The following NALF1 variants were observed in gnomAD, a reference collection of about 807,000 sequenced individuals.
NALF1 encodes the protein NALCN channel auxiliary factor 1.
NALF1 carries 3 observed loss-of-function variants against 48.4 expected under a neutral mutation model. The observed-to-expected ratio is 0.06, with a 90% CI of 0.03 to 0.16. NALF1 has a LOEUF of 0.16. Ranked by LOEUF, NALF1 falls within the 10% of genes least tolerant of loss-of-function variation. NALF1 has a pLI of 1.00. For missense variants in NALF1, 526 were observed against 571.5 expected (o/e 0.92, Z 0.81); for synonymous variants, 262 against 245.7 (o/e 1.07, Z -0.62).
At chr13:107,829,747 T>C (rs2138625696) in intron 1 of NALF1, among the ~76,000 whole-genome samples, 1 of 152,306 alleles carries the variant, frequency 6.6e-6, no homozygotes, top group Non-Finnish European at 1.5e-5. Context: ...GTTTACATGG[T>C]TTTCCTCATC....
chr13:107,552,877 T>C (rs780108880), intron 1 of NALF1, among the ~76,000 whole-genome samples: 1 of 152,132 alleles, frequency 6.6e-6, no homozygotes, highest in Non-Finnish European at 1.5e-5. Context: ...GTCGTTTATA[T>C]AATATTAAAA....
At chr13:107,840,650 T>G (rs1880020345) in intron 1 of NALF1, among the ~76,000 whole-genome samples, 1 of 152,180 alleles carries the variant, frequency 6.6e-6, no homozygotes, top group Non-Finnish European at 1.5e-5. Context: ...ATACTCGGGT[T>G]CTATTCCTCG....
chr13:107,622,144 CATGG>C (rs1879534321), intron 1 of NALF1, among the ~76,000 whole-genome samples: 2 of 151,560 alleles, frequency 1.3e-5, no homozygotes, highest in Non-Finnish European at 2.9e-5. Context: ...TTCTAAGAAT[CATGG>C]CTGGGTACGG....
chr13:107,861,697 T>C (rs1880574574), intron 1 of NALF1, among the ~76,000 whole-genome samples: 1 of 152,182 alleles, frequency 6.6e-6, no homozygotes, highest in Non-Finnish European at 1.5e-5. Context: ...AGCAGGAGAA[T>C]CGCTTGAACC....
chr13:107,551,310 GT>G (rs1476543388), intron 1 of NALF1, among the ~76,000 whole-genome samples: 1 of 151,966 alleles, frequency 6.6e-6, no homozygotes, highest in Non-Finnish European at 1.5e-5. Context: ...ATTTATTTGT[GT>G]TTTAGCATCT....
At position 107,242,362 on chromosome 13, in the gene NALF1, T is replaced by A. The variant is rs1330469921; in HGVS notation, c.916-31607A>T. Among the ~76,000 whole-genome samples the A allele has an allele frequency of 2.0e-5, 3 of 152,096 alleles. No individual in the cohort carries two copies. In the East Asian group the frequency reaches 5.8e-4, roughly 30 times the overall value. ...AAGGCCCTTCCCTTCTCCTCCTCAA[T>A]GTCCTGCTCCAGGTGAGTGCCCAGC... On this transcript the variant is annotated intron_variant, in intron 1 of 2. Coordinates refer to ENST00000375915, the MANE Select transcript of NALF1 (RefSeq NM_001080396.3).
chr13:107,268,363 C>T (rs1445212033), intron 1 of NALF1, among the ~76,000 whole-genome samples: 8 of 152,046 alleles, frequency 5.3e-5, no homozygotes, highest in Non-Finnish European at 1.0e-4. Context: ...AAAGTGAAAC[C>T]ACAGATGAGG....
intron 1 of NALF1, among the ~76,000 whole-genome samples, chr13:107,592,810 A>C (rs1406006369): frequency 6.6e-6 from 1 of 151,844 alleles, no homozygotes; most frequent in Non-Finnish European, 1.5e-5. Flanking sequence ...GTTACCGATA[A>C]ATTCTTAAAA....
At chr13:107,558,422 A>C (rs1392909061) in intron 1 of NALF1, among the ~76,000 whole-genome samples, 1 of 152,204 alleles carries the variant, frequency 6.6e-6, no homozygotes, top group Non-Finnish European at 1.5e-5. Context: ...ATAGTATTCC[A>C]ATTTGCTAAA....
intron 1 of NALF1, among the ~76,000 whole-genome samples, chr13:107,320,192 C>A (rs1176264916): frequency 6.6e-6 from 1 of 152,036 alleles, no homozygotes; most frequent in African/African-American, 2.4e-5. Context: ...AATAAACAGA[C>A]ATTGACTGGC....
chr13:107,707,218 G>A (rs1052393366), intron 1 of NALF1, among the ~76,000 whole-genome samples: 1 of 151,832 alleles, frequency 6.6e-6, no homozygotes, highest in Non-Finnish European at 1.5e-5. Flanking sequence ...CACCGCGCCC[G>A]GCCAAGGGCA....
intron 1 of NALF1, among the ~76,000 whole-genome samples, chr13:107,318,151 C>T (rs541124046): frequency 6.6e-6 from 1 of 152,116 alleles, no homozygotes; most frequent in Non-Finnish European, 1.5e-5. Flanking sequence ...AATTTTGTTT[C>T]ATTTTATTAA....
intron 1 of NALF1, among the ~76,000 whole-genome samples, chr13:107,773,175 A>T (rs1877626618): frequency 6.6e-6 from 1 of 152,142 alleles, no homozygotes; most frequent in Non-Finnish European, 1.5e-5. Context: ...CTAGTTGACT[A>T]TTGTTTTTCA....
chr13:107,186,336 C>T (rs1414656956), intron 2 of NALF1, among the ~76,000 whole-genome samples: 1 of 152,158 alleles, frequency 6.6e-6, no homozygotes, highest in Non-Finnish European at 1.5e-5. Context: ...TTACCACTGT[C>T]TGGTTTCAAC....
At chr13:107,791,526 T>A (rs1180388965) in intron 1 of NALF1, among the ~76,000 whole-genome samples, 1 of 152,178 alleles carries the variant, frequency 6.6e-6, no homozygotes, top group Non-Finnish European at 1.5e-5. Flanking sequence ...AAAACATTAG[T>A]TTAGGCTATA....
At chr13:107,826,795 T>C (rs545486472) in intron 1 of NALF1, among the ~76,000 whole-genome samples, 3 of 152,168 alleles carry the variant, frequency 2.0e-5, no homozygotes, top group Non-Finnish European at 4.4e-5. Flanking sequence ...TACATGACCT[T>C]GGGGAAACTA....
intron 1 of NALF1, among the ~76,000 whole-genome samples, chr13:107,251,826 C>G (rs80096657): frequency 6.6e-6 from 1 of 152,082 alleles, no homozygotes; most frequent in Non-Finnish European, 1.5e-5. Flanking sequence ...AAGAATGGAG[C>G]TTGGAATGTG....
At chr13:107,293,110 A>T (rs1367441669) in intron 1 of NALF1, among the ~76,000 whole-genome samples, 1 of 149,614 alleles carries the variant, frequency 6.7e-6, no homozygotes, top group African/African-American at 2.5e-5. Flanking sequence ...CCTCCCGAGC[A>T]GCTGGGACTA....
chr13:107,299,077 A>G (rs1448016892), intron 1 of NALF1, among the ~76,000 whole-genome samples: 1 of 152,026 alleles, frequency 6.6e-6, no homozygotes, highest in Non-Finnish European at 1.5e-5. Context: ...GACAGTTTTG[A>G]TGAGCACTGG....
Sources: gnomAD v4.1 joint callset for allele counts (sites outside exome capture counted in the v4.1 genomes callset) on GRCh38, gnomAD v4.1.1 for gene constraint, MANE v1.5 for transcripts, NCBI Gene and HGNC (gene_info 2026-07-23, HGNC 2026-07-21) for gene names.